TENM4: variants seen among roughly 807,000 people sequenced by gnomAD.
TENM4 encodes the protein teneurin-4.
In TENM4, 82 loss-of-function variants were observed where a neutral mutation model predicts 243.3. The ratio of observed to expected loss-of-function variants is 0.34; its 90% CI spans 0.28 to 0.40. The LOEUF is 0.40. TENM4 is among the 10% of genes least tolerant of loss of function. The pLI is 1.00. For synonymous variants in TENM4, 1,412 were observed against 1,456.3 expected, an observed-to-expected ratio of 0.97 and a Z score of 0.69; for missense variants, 3,138 against 3,673.3, an observed-to-expected ratio of 0.85 and a Z score of 3.77.
chr11:79,046,449 C>T (rs1424416409), intron 6 of TENM4, among the ~76,000 whole-genome samples: 1 of 149,396 alleles, frequency 6.7e-6, no homozygotes, highest in Non-Finnish European at 1.5e-5. Context: ...TGAACTCTCC[C>T]CCCCAAAAAA....
chr11:78,818,436 A>G (rs1244424589), intron 12 of TENM4, among the ~76,000 whole-genome samples: 3 of 152,234 alleles, frequency 2.0e-5, no homozygotes, highest in Admixed American at 1.3e-4. Context: ...TTGCTACAAA[A>G]CTTGCCCCAG....
At chr11:79,160,005 A>G (rs1862707532) in intron 3 of TENM4, among the ~76,000 whole-genome samples, 1 of 151,900 alleles carries the variant, frequency 6.6e-6, no homozygotes, top group Non-Finnish European at 1.5e-5. Context: ...TTATTTCTTC[A>G]TTTATTCATT....
At chr11:79,065,158 G>A (rs548091255) in intron 5 of TENM4, among the ~76,000 whole-genome samples, 151 bp from the exon 6 acceptor site, 3 of 152,274 alleles carry the variant, frequency 2.0e-5, no homozygotes, top group Admixed American at 6.5e-5. Flanking sequence ...TCAAGTGATT[G>A]CCTCTGCCTG....
intron 1 of TENM4, among the ~76,000 whole-genome samples, chr11:79,404,523 CAT>C (rs1452909169): frequency 6.6e-6 from 1 of 152,180 alleles, no homozygotes; most frequent in Non-Finnish European, 1.5e-5. Context: ...CTTGGACCTA[CAT>C]AGAGGCGATG....
At chr11:79,010,643 C>A (rs1047705850) in intron 6 of TENM4, among the ~76,000 whole-genome samples, 3 of 152,122 alleles carry the variant, frequency 2.0e-5, no homozygotes, top group Admixed American at 6.5e-5. Flanking sequence ...CAGGGAAACT[C>A]CCCCTTATTA....
At chr11:79,182,626 A>G (rs932533005) in intron 3 of TENM4, among the ~76,000 whole-genome samples, 4 of 152,192 alleles carry the variant, frequency 2.6e-5, no homozygotes, top group African/African-American at 9.6e-5. Flanking sequence ...GATGAGAATG[A>G]GAAGACAAGC....
intron 6 of TENM4, among the ~76,000 whole-genome samples, chr11:78,995,478 T>C (rs1858149006): frequency 6.6e-6 from 1 of 152,152 alleles, no homozygotes; most frequent in Non-Finnish European, 1.5e-5. Context: ...AATTACCTTC[T>C]ACCAGGAATT....
In TENM4 at chr11:78,942,781, C is replaced by T. The variant is rs1311151356; in HGVS notation, c.494-39258G>A. On this transcript the variant is annotated intron_variant, in intron 6 of 33. Transcript: ENST00000278550. The stretch of plus-strand genomic sequence containing the variant: ...CATTTGCCTCCCTCTCCCCCTCCTA[C>T]GTAAAATTTATTATCCTTATTTCAT... 2.1e-5 allele frequency among the ~76,000 whole-genome samples: 3 copies of T among 145,464 alleles called. No homozygotes were observed. In the East Asian group the frequency reaches 6.0e-4, roughly 29 times the overall value.
At chr11:79,396,897 C>T (rs1468074964) in intron 1 of TENM4, among the ~76,000 whole-genome samples, 4 of 152,136 alleles carry the variant, frequency 2.6e-5, no homozygotes, top group Non-Finnish European at 5.9e-5. Flanking sequence ...CTGTCTGAGT[C>T]GGTTTGCCAA....
chr11:79,090,809 C>T (rs187861943), intron 4 of TENM4, among the ~76,000 whole-genome samples: 15 of 152,326 alleles, frequency 9.8e-5, no homozygotes, highest in Admixed American at 5.9e-4. Context: ...ATTCAACCGA[C>T]GTCCCTGTGT....
At chr11:79,340,672 C>A (rs1323329709) in intron 1 of TENM4, among the ~76,000 whole-genome samples, 3 of 152,158 alleles carry the variant, frequency 2.0e-5, no homozygotes, top group Non-Finnish European at 4.4e-5. Flanking sequence ...CCATGGCAGG[C>A]TTTCCTTCTA....
At chr11:78,940,041 GA>G (rs560727913) in intron 6 of TENM4, among the ~76,000 whole-genome samples, 1 of 150,756 alleles carries the variant, frequency 6.6e-6, no homozygotes, top group African/African-American at 2.4e-5. Context: ...AAGTACAAAG[GA>G]AAAAAAACAA....
chr11:78,723,034 C>A, intron 23 of TENM4, 117 bp from the exon 24 acceptor site: 1 of 1,421,078 alleles, frequency 7.0e-7, no homozygotes, highest in East Asian at 2.4e-5. Context: ...CAACCATTTC[C>A]AGGATCATAG....
rs1445498152 is a variant in TENM4 at position 79,138,531 on chromosome 11, T to C, written c.-66+10179A>G. Among the ~76,000 whole-genome samples, 18 of 100,844 alleles carry C rather than the reference T, an allele frequency of 1.8e-4. No homozygotes were observed. The East Asian group carries it at 4.2e-3, about 23-fold the overall frequency. The allele number at this position is 100,844 out of a possible 152,430, so 66.2% of individuals were successfully genotyped here. On this transcript the variant is annotated intron_variant, in intron 4 of 33. Transcript: ENST00000278550. ...TAAAATATATTATATTTATACATAA[T>C]ATATTAAAATATATTATATTTATAT...
At chr11:79,409,060 T>TTTTGTG (rs1481018185) in intron 1 of TENM4, among the ~76,000 whole-genome samples, 11 of 141,984 alleles carry the variant, frequency 7.7e-5, no homozygotes, top group African/African-American at 2.9e-4. Flanking sequence ...GAGGGATATT[T>TTTTGTG]TGTGTGTGTG....
intron 15 of TENM4, among the ~76,000 whole-genome samples, chr11:78,804,382 C>T (rs1857346394): frequency 6.6e-6 from 1 of 152,108 alleles, no homozygotes; most frequent in African/African-American, 2.4e-5. Flanking sequence ...TGTAGGGGCT[C>T]AGTAAGTATT....
chr11:78,978,610 AG>A (rs1313817079), intron 6 of TENM4, among the ~76,000 whole-genome samples: 1 of 152,126 alleles, frequency 6.6e-6, no homozygotes, highest in Non-Finnish European at 1.5e-5. Context: ...GCATTGTCAA[AG>A]GGGAAGTGGA....
chr11:78,899,515 C>T (rs2136317710), intron 7 of TENM4, among the ~76,000 whole-genome samples: 1 of 130,076 alleles, frequency 7.7e-6, no homozygotes, highest in Non-Finnish European at 1.5e-5. Flanking sequence ...GAGGTTGAGG[C>T]TGCAGCGTGT....
chr11:79,266,719 G>A (rs1855889735), intron 2 of TENM4, among the ~76,000 whole-genome samples: 1 of 152,184 alleles, frequency 6.6e-6, no homozygotes, highest in South Asian at 2.1e-4. Flanking sequence ...ATTGGCCAAA[G>A]CATGACTTTT....
Sources: gnomAD v4.1 joint callset for allele counts (sites outside exome capture counted in the v4.1 genomes callset) on GRCh38, gnomAD v4.1.1 for gene constraint, MANE v1.5 for transcripts, NCBI Gene and HGNC (gene_info 2026-07-23, HGNC 2026-07-21) for gene names.